The following MYT1L variants were observed in gnomAD, a reference collection of about 807,000 sequenced individuals.
The protein encoded by MYT1L is myelin transcription factor 1-like protein.
Under a neutral mutation model 126.7 loss-of-function variants are expected in MYT1L, and 12 were observed. The observed-to-expected ratio is 0.09, with a 90% CI of 0.06 to 0.15. MYT1L has a LOEUF of 0.15. Among genes scored for constraint, MYT1L ranks in the 10% least tolerant of loss-of-function variants. MYT1L has a pLI of 1.00. For synonymous variants in MYT1L, 541 were observed against 604.2 expected (o/e 0.90, Z 1.53); for missense variants, 979 against 1,585.2 (o/e 0.62, Z 6.49).
In MYT1L at chr2:2,059,819, TAGAA is replaced by T. The variant is rs2070153091; in HGVS notation, c.-303-5700_-303-5697del. ...GTCACTGAAAATGTGGTGGGTTTCC[TAGAA>T]AGAGTTTTGTAGGAAGCTTTGGAGG... On this transcript the variant is annotated intron_variant, in intron 3 of 24. Transcript: ENST00000647738. This position sits in a 1 kb window ranked among gnomAD's most constrained non-coding sequence, Gnocchi z 4.7. 6.6e-6 allele frequency among the ~76,000 whole-genome samples: 1 copy of T among 152,246 alleles called. No homozygotes were observed. Among genetic ancestry groups the T allele is most frequent in the Non-Finnish European group, 1.5e-5 (1 of 67,996 alleles).
intron 3 of MYT1L, among the ~76,000 whole-genome samples, chr2:2,135,934 C>G (rs148053884): frequency 2.0e-5 from 3 of 152,200 alleles, no homozygotes; most frequent in African/African-American, 7.2e-5. Flanking sequence ...CATATGTTTA[C>G]TGCAGCACTA....
At chr2:2,074,500 T>C (rs1317907782) in intron 3 of MYT1L, among the ~76,000 whole-genome samples, 1 of 152,064 alleles carries the variant, frequency 6.6e-6, no homozygotes, top group Non-Finnish European at 1.5e-5. Flanking sequence ...AAGATATCAA[T>C]TTACAGAATT....
chr2:2,149,523 T>C (rs538210410), intron 3 of MYT1L, among the ~76,000 whole-genome samples: 6 of 152,300 alleles, frequency 3.9e-5, no homozygotes, highest in African/African-American at 1.2e-4. Context: ...CTCAGAACCA[T>C]ATGCAGAGCT....
At chr2:2,243,220 C>T (rs1384260306) in intron 2 of MYT1L, among the ~76,000 whole-genome samples, 2 of 152,140 alleles carry the variant, frequency 1.3e-5, no homozygotes, top group African/African-American at 2.4e-5. Context: ...TTACAGTTTC[C>T]TCAACAACAA....
chr2:2,102,559 C>A (rs545715155), intron 3 of MYT1L, among the ~76,000 whole-genome samples: 2 of 151,904 alleles, frequency 1.3e-5, no homozygotes, highest in African/African-American at 4.8e-5. Context: ...GTCTGCTACA[C>A]CGTTCTACTG....
chr2:2,189,873 GAGA>G lies in MYT1L; in HGVS notation c.-420-16888_-420-16886del, dbSNP rs1183527585. ...AGCAGCGTTCTCAGGACCGCACGGG[GAGA>G]AGCTCGTTCTCAGGACCGCACGGGG... On this transcript the variant is annotated intron_variant, in intron 2 of 24. Coordinates refer to ENST00000647738, the MANE Select transcript of MYT1L (RefSeq NM_001303052.2). Among the ~76,000 whole-genome samples the G allele has an allele frequency of 2.7e-5, 4 of 150,894 alleles. No individual in the cohort carries two copies. The East Asian group carries it at 7.8e-4, about 30-fold the overall frequency.
chr2:2,189,161 G>A (rs2092413837), intron 2 of MYT1L, among the ~76,000 whole-genome samples: 1 of 152,186 alleles, frequency 6.6e-6, no homozygotes, highest in Non-Finnish European at 1.5e-5. Flanking sequence ...GCTTCTGATT[G>A]CGTTTGGGGC....
intron 11 of MYT1L, among the ~76,000 whole-genome samples, chr2:1,916,027 A>G (rs960914103): frequency 1.3e-5 from 2 of 152,166 alleles, no homozygotes; most frequent in African/African-American, 2.4e-5. Context: ...CTTCCTGCTC[A>G]TGTAACACAC....
At chr2:2,047,114 C>T (rs1002299016) in intron 4 of MYT1L, among the ~76,000 whole-genome samples, 4 of 152,196 alleles carry the variant, frequency 2.6e-5, no homozygotes, top group African/African-American at 4.8e-5. Flanking sequence ...TTTATTAGTA[C>T]AATATTAAAA....
rs999629264 is a variant in MYT1L, at chr2:2,159,002, T to C, written c.-304+13870A>G. Reference sequence around the variant, plus strand: ...TGTTACAGCACATATGCAGCACTTGTAGGAGAAGAAGTCTAACCTAACATC... The same window carrying C: ...TGTTACAGCACATATGCAGCACTTGCAGGAGAAGAAGTCTAACCTAACATC... On this transcript the variant is annotated intron_variant, in intron 3 of 24. Transcript: ENST00000647738. 6.6e-5 allele frequency among the ~76,000 whole-genome samples: 10 copies of C among 152,176 alleles called. 1 individual carries two copies. The highest frequency in any genetic ancestry group is 1.0e-4 in the Non-Finnish European group (7 of 68,038).
At chr2:2,139,531 C>T (rs1046598902) in intron 3 of MYT1L, among the ~76,000 whole-genome samples, 5 of 151,812 alleles carry the variant, frequency 3.3e-5, no homozygotes, top group Admixed American at 6.6e-5. Context: ...CCCAGCTACT[C>T]GGGAGGCTGA....
chr2:2,170,939 G>A (rs531114457), intron 3 of MYT1L, among the ~76,000 whole-genome samples: 3 of 152,290 alleles, frequency 2.0e-5, no homozygotes, highest in Admixed American at 6.5e-5. Flanking sequence ...TGGAAAGATC[G>A]ACGTGAAATG....
At chr2:2,143,621 G>A (rs1416837058) in intron 3 of MYT1L, among the ~76,000 whole-genome samples, 1 of 152,114 alleles carries the variant, frequency 6.6e-6, no homozygotes, top group Non-Finnish European at 1.5e-5. Context: ...AGGGGCAGAG[G>A]TGGGTCATTT....
intron 2 of MYT1L, among the ~76,000 whole-genome samples, chr2:2,186,303 G>C (rs1245651249): frequency 6.6e-6 from 1 of 151,782 alleles, no homozygotes; most frequent in Non-Finnish European, 1.5e-5. Context: ...GACGTAGCCG[G>C]GCCTCCCCGA....
chr2:1,891,743 C>T (rs2048908661), intron 15 of MYT1L, among the ~76,000 whole-genome samples: 1 of 152,174 alleles, frequency 6.6e-6, no homozygotes, highest in African/African-American at 2.4e-5. Context: ...ACGTGGTGTC[C>T]TTTGTTTACA....
At chr2:2,003,125 A>G (rs1329919397) in intron 4 of MYT1L, among the ~76,000 whole-genome samples, 1 of 152,044 alleles carries the variant, frequency 6.6e-6, no homozygotes, top group Admixed American at 6.6e-5. Context: ...GCTCCAAAAT[A>G]TGCACCTGTT....
intron 5 of MYT1L, among the ~76,000 whole-genome samples, chr2:1,980,418 G>C (rs1044195140): frequency 2.0e-5 from 3 of 151,506 alleles, no homozygotes; most frequent in African/African-American, 4.9e-5. Flanking sequence ...TAGGTACAGT[G>C]GAAGAACACG....
At chr2:2,022,761 G>A (rs946727593) in intron 4 of MYT1L, among the ~76,000 whole-genome samples, 11 of 151,922 alleles carry the variant, frequency 7.2e-5, no homozygotes, top group Non-Finnish European at 7.4e-5. Context: ...TTCTTTGTCC[G>A]TATTTATCTT....
chr2:1,839,057 G>T, intron 21 of MYT1L, 92 bp downstream of exon 21: 1 of 1,126,768 alleles, frequency 8.9e-7, no homozygotes, highest in Non-Finnish European at 1.3e-6. Context: ...GGTGACGGGA[G>T]AAGCTGGCAC....
Sources: gnomAD v4.1 joint callset for allele counts (sites outside exome capture counted in the v4.1 genomes callset) on GRCh38, gnomAD v4.1.1 for gene constraint, Gnocchi (gnomAD v3.1) non-coding constraint, MANE v1.5 for transcripts, NCBI Gene and HGNC (gene_info 2026-07-23, HGNC 2026-07-21) for gene names.